KCMF1: variants seen among roughly 807,000 people sequenced by gnomAD.
The protein encoded by KCMF1 is potassium channel modulatory factor 1.
Under a neutral mutation model 41.1 loss-of-function variants are expected in KCMF1, and 3 were observed. The ratio of observed to expected loss-of-function variants is 0.07; its 90% confidence interval spans 0.03 to 0.19. The LOEUF is 0.19. Among genes scored for constraint, KCMF1 ranks in the 10% least tolerant of loss-of-function variants. KCMF1 has a pLI of 1.00. For missense variants in KCMF1, 286 were observed against 488.9 expected (o/e 0.58, Z 3.91); for synonymous variants, 142 against 164.5 (o/e 0.86, Z 1.04).
At chr2:85,018,835 C>T (rs1293489390) in intron 1 of KCMF1, among the ~76,000 whole-genome samples, 10 of 113,262 alleles carry the variant, frequency 8.8e-5, no homozygotes, top group East Asian at 6.3e-4. Context: ...GACAGAGTCT[C>T]GCTCTGTCGC....
chr2:85,021,458 C>T (rs1413110591), intron 1 of KCMF1, among the ~76,000 whole-genome samples: 1 of 152,072 alleles, frequency 6.6e-6, no homozygotes, highest in East Asian at 1.9e-4. Flanking sequence ...CCTGTCTCTA[C>T]TAAAAGTACA....
chr2:84,996,904 T>G (rs1674190866), intron 1 of KCMF1, among the ~76,000 whole-genome samples: 1 of 152,176 alleles, frequency 6.6e-6, no homozygotes, highest in Non-Finnish European at 1.5e-5. Flanking sequence ...TACAGAAACC[T>G]AGACGGTATA....
chr2:85,014,388 CCTTTAT>C (rs1373269759), intron 1 of KCMF1, among the ~76,000 whole-genome samples: 1 of 152,050 alleles, frequency 6.6e-6, no homozygotes, highest in Non-Finnish European at 1.5e-5. Flanking sequence ...AGTAGGCAAC[CCTTTAT>C]CTTAATCACT....
intron 1 of KCMF1, among the ~76,000 whole-genome samples, chr2:84,973,683 C>T (rs1305675944): frequency 6.6e-6 from 1 of 152,148 alleles, no homozygotes; most frequent in Non-Finnish European, 1.5e-5. Flanking sequence ...TCATTATTGT[C>T]ATCAGTAAGA....
intron 1 of KCMF1, among the ~76,000 whole-genome samples, chr2:85,010,747 G>A (rs1674631810): frequency 6.6e-6 from 1 of 152,126 alleles, no homozygotes; most frequent in South Asian, 2.1e-4. Flanking sequence ...CTACCACTAG[G>A]AAGATTTTTT....
chr2:85,035,797 AAAGTACACCT>A, intron 3 of KCMF1, among the ~76,000 whole-genome samples: 1 of 152,346 alleles, frequency 6.6e-6, no homozygotes, highest in East Asian at 1.9e-4. Context: ...AAGAAATGAT[AAAGTACACCT>A]AAGAGTCTCT....
intron 1 of KCMF1, among the ~76,000 whole-genome samples, chr2:85,008,401 A>ATATCATATATATATGATATATATTATG (rs1674565429): frequency 7.7e-6 from 1 of 130,158 alleles, no homozygotes; most frequent in African/African-American, 2.9e-5. Context: ...TATATATTAT[A>ATATCATATATATATGATATATATTATG]TATCATATTA....
chr2:85,008,316 TA>T (rs1558573461), intron 1 of KCMF1, among the ~76,000 whole-genome samples: 10 of 98,722 alleles, frequency 1.0e-4, no homozygotes, highest in African/African-American at 4.0e-4. Flanking sequence ...ATATGATATA[TA>T]TATCATATAT....
At chr2:84,994,227 C>T (rs969847628) in intron 1 of KCMF1, among the ~76,000 whole-genome samples, 11 of 152,008 alleles carry the variant, frequency 7.2e-5, no homozygotes, top group South Asian at 4.1e-4. Context: ...GGATTACAGG[C>T]GTGAGCCACC....
intron 1 of KCMF1, among the ~76,000 whole-genome samples, chr2:84,979,679 A>G (rs1254686397): frequency 1.3e-5 from 2 of 152,166 alleles, no homozygotes; most frequent in Admixed American, 6.6e-5. Flanking sequence ...TTAATTTTTT[A>G]ATTAATTTTA....
intron 1 of KCMF1, among the ~76,000 whole-genome samples, chr2:84,996,531 G>T (rs953726537): frequency 6.6e-6 from 1 of 150,664 alleles, no homozygotes; most frequent in African/African-American, 2.5e-5. Context: ...CGCCTCCTGG[G>T]TTCAAGCGAT....
chr2:85,028,483 CTTTTTTTT>C (rs398042498), intron 2 of KCMF1, among the ~76,000 whole-genome samples: 1 of 47,234 alleles, frequency 2.1e-5, no homozygotes, highest in African/African-American at 9.8e-5. Flanking sequence ...CTGTGCCTGG[CTTTTTTTT>C]TTTTTTTTTT....
At chr2:85,048,734 C>G (rs1675730700) in intron 5 of KCMF1, among the ~76,000 whole-genome samples, 1 of 152,222 alleles carries the variant, frequency 6.6e-6, no homozygotes. Context: ...CAGTCAGATG[C>G]AGCAGGTTCT....
At chr2:84,992,674 C>A (rs1275987770) in intron 1 of KCMF1, among the ~76,000 whole-genome samples, 1 of 151,766 alleles carries the variant, frequency 6.6e-6, no homozygotes, top group Non-Finnish European at 1.5e-5. Context: ...GCTCTGTCGC[C>A]CAGGCTGGAG....
At chr2:85,010,693 G>C (rs1156695160) in intron 1 of KCMF1, among the ~76,000 whole-genome samples, 1 of 152,142 alleles carries the variant, frequency 6.6e-6, no homozygotes, top group African/African-American at 2.4e-5. Flanking sequence ...CATACTTCTA[G>C]TACCAGTGAA....
At chr2:85,016,120 T>A (rs1255588503) in intron 1 of KCMF1, among the ~76,000 whole-genome samples, 1 of 152,224 alleles carries the variant, frequency 6.6e-6, no homozygotes, top group Non-Finnish European at 1.5e-5. Context: ...GTAAGACTAC[T>A]GCGTGAAGAC....
chr2:84,998,917 CCTATCTATCTATCTAT>C (rs4019937), intron 1 of KCMF1, among the ~76,000 whole-genome samples: 38 of 96,156 alleles, frequency 4.0e-4, no homozygotes, highest in African/African-American at 2.1e-3. Context: ...GGGCCTCTTA[CCTATCTATCTATCTAT>C]CTATCTATCT....
intron 1 of KCMF1, among the ~76,000 whole-genome samples, chr2:84,979,680 A>G (rs1416178997): frequency 6.6e-6 from 1 of 152,174 alleles, no homozygotes; most frequent in African/African-American, 2.4e-5. Context: ...TAATTTTTTA[A>G]TTAATTTTAG....
Position 85,043,513 on chromosome 2 carries a change from A to G in KCMF1, c.325-51A>G, listed in dbSNP as rs940007781. On this transcript the variant is annotated intron_variant, in intron 3 of 6. Transcript: ENST00000409785. ...TACAGCAGAATACTCGTCCAGAAAGATGTCTTATTGACGTTCATTTATTAA... is the reference window on the plus strand; with the variant it reads ...TACAGCAGAATACTCGTCCAGAAAGGTGTCTTATTGACGTTCATTTATTAA... 4.9e-6 allele frequency: 5 copies of G among 1,015,454 alleles called. No individual in the cohort carries two copies. In the East Asian group the frequency reaches 7.3e-5, roughly 15 times the overall value. 62.9% of individuals were successfully genotyped at this position (1,015,454 alleles called of 1,614,324 possible). A position where few individuals can be genotyped will look rare whatever the true frequency, so the allele number is the denominator to read the frequency against.
Sources: allele counts gnomAD v4.1 joint callset (sites outside exome capture counted in the v4.1 genomes callset), GRCh38; gene constraint gnomAD v4.1.1; transcripts MANE v1.5; gene names NCBI Gene and HGNC (gene_info 2026-07-23, HGNC 2026-07-21).